Variants in FAM151A observed in about 807,000 individuals in gnomAD.
FAM151A encodes the protein family with sequence similarity 151 member A.
FAM151A carries 41 observed loss-of-function variants against 40.4 expected under a neutral mutation model. The ratio of observed to expected loss-of-function variants is 1.01; its 90% CI spans 0.79 to 1.32. The LOEUF is 1.32. FAM151A is among the 40% of genes most tolerant of loss of function. The pLI is 0.00. For synonymous variants in FAM151A, 337 were observed against 312.5 expected (o/e 1.08, Z -0.83); for missense variants, 740 against 740.4 (o/e 1.00, Z 0.01).
Position 54,609,353 on chromosome 1 carries a change from G to A in FAM151A, c.1673C>T (p.Ala558Val), listed in dbSNP as rs1238032153. 3.7e-6 allele frequency: 6 copies of A among 1,614,166 alleles called. No individual in the cohort carries two copies. The highest frequency in any genetic ancestry group is 5.1e-6 in the Non-Finnish European group (6 of 1,180,032). Residue 558 changes from alanine to valine, a missense_variant, in exon 8 of 8, where the codon GCT becomes GTT. Physicochemically the swap from Ala to Val is moderately conservative, Grantham distance 64. Transcript: ENST00000302250. ...YASVRTALLA[A>V]RAVDRTRVYY... Reference sequence around the variant, plus strand: ...GACTCGGGTCCTGTCCACAGCCCTAGCTGCCAGCAATGCTGTCCTCACAGA... The same window carrying A: ...GACTCGGGTCCTGTCCACAGCCCTAACTGCCAGCAATGCTGTCCTCACAGA...
At chr1:54,610,906 G>C in intron 6 of FAM151A, 2 of 985,386 alleles carry the variant, frequency 2.0e-6, no homozygotes, top group Non-Finnish European at 2.4e-6. Context: ...CGGGGTCAAG[G>C]GAATGAGGGG....
intron 2 of FAM151A, among the ~76,000 whole-genome samples, chr1:54,617,341 C>T (rs1644183243): frequency 6.6e-6 from 1 of 152,006 alleles, no homozygotes; most frequent in Non-Finnish European, 1.5e-5. Context: ...TTTTCTCCTG[C>T]TTTCTCCCTG....
At position 54,612,551 on chromosome 1, in the gene FAM151A, A is replaced by G; in HGVS notation, c.735T>C (p.Pro245=). 6.2e-7 allele frequency: 1 copy of G among 1,614,068 alleles called. No homozygotes were observed. The highest frequency in any genetic ancestry group is 8.5e-7 in the Non-Finnish European group (1 of 1,180,008). Reference sequence around the variant, plus strand: ...CAGCCCGCACCATGGAAGACCGTACAGGGAAGGTGACCCTCTGGGGCACTC... The same window carrying G: ...CAGCCCGCACCATGGAAGACCGTACGGGGAAGGTGACCCTCTGGGGCACTC... ...VGGVPQRVTF[P]VRSSMVRAAW... Residue 245 remains proline, a synonymous_variant, in exon 5 of 8, where the codon CCT becomes CCC. Transcript: ENST00000302250.
At chr1:54,614,956 ATGTG>A in intron 3 of FAM151A, 97 bp from the exon 4 acceptor site, 1 of 1,239,624 alleles carries the variant, frequency 8.1e-7, no homozygotes, top group Non-Finnish European at 1.1e-6. Context: ...GTGTGTGTGC[ATGTG>A]CGTGCACAGT....
chr1:54,623,483 G>T lies in FAM151A; in HGVS notation c.-88C>A. 2.2e-6 allele frequency: 2 copies of T among 919,780 alleles called. No individual in the cohort carries two copies. The highest frequency in any genetic ancestry group is 1.8e-6 in the Non-Finnish European group (1 of 568,268). The allele number at this position is 919,780 out of a possible 1,614,324, so 57.0% of individuals were successfully genotyped here. A position where few individuals can be genotyped will look rare whatever the true frequency, so the allele number is the denominator to read the frequency against. ...AGCTGGAATCCTGTGGGAGGCAGGAGCTCCCAGCAGCACCTAATTCTCCAC... is the reference window on the plus strand; with the variant it reads ...AGCTGGAATCCTGTGGGAGGCAGGATCTCCCAGCAGCACCTAATTCTCCAC... On this transcript the variant is annotated 5_prime_UTR_variant, in exon 1 of 8. Transcript: ENST00000302250.
At chr1:54,616,819 G>T (rs947270628) in intron 2 of FAM151A, among the ~76,000 whole-genome samples, 4 of 152,144 alleles carry the variant, frequency 2.6e-5, no homozygotes, top group African/African-American at 9.7e-5. Flanking sequence ...AAAAGCCCTG[G>T]TTGAGGGTGT....
In FAM151A at chr1:54,619,932, C is replaced by T. The variant is rs147294199; in HGVS notation, c.194G>A (p.Arg65Gln). The T allele has an allele frequency of 6.5e-4, 1,048 of 1,614,182 alleles. 5 individuals are homozygous for T. In the African/African-American group the frequency reaches 0.012, roughly 18 times the overall value. Residue 65 changes from arginine (R) to glutamine (Q), a missense_variant, in exon 2 of 8, where the codon CGA (arginine) becomes CAA (glutamine). Transcript: ENST00000302250. ...YLLSLGQISRRDALEVTWYHA... is the reference protein window; with the variant it reads ...YLLSLGQISRQDALEVTWYHA... Reference sequence around the variant, plus strand: ...GTACCAGGTGACCTCCAAGGCATCTCGCCGGCTGATCTGGCCCAGGCTCAG... The same window carrying T: ...GTACCAGGTGACCTCCAAGGCATCTTGCCGGCTGATCTGGCCCAGGCTCAG...
At chr1:54,614,316 G>A (rs1644148932) in intron 4 of FAM151A, among the ~76,000 whole-genome samples, 1 of 152,144 alleles carries the variant, frequency 6.6e-6, no homozygotes, top group Admixed American at 6.5e-5. Flanking sequence ...CTGGTCACTG[G>A]GGAATACAAG....
intron 1 of FAM151A, among the ~76,000 whole-genome samples, chr1:54,621,105 A>G (rs1234080331): frequency 6.6e-6 from 1 of 151,378 alleles, no homozygotes; most frequent in Non-Finnish European, 1.5e-5. Flanking sequence ...GGTTGCAGTG[A>G]GCCGGAGATC....
At chr1:54,610,232 T>C in intron 7 of FAM151A, 180 bp downstream of exon 7, 1 of 1,441,838 alleles carries the variant, frequency 6.9e-7, no homozygotes, top group Non-Finnish European at 9.1e-7. Flanking sequence ...CCAGGAGCCC[T>C]GTGCTCTTGA....
rs751917163 is a variant in FAM151A, at chr1:54,609,903, CCT to C, written c.1121_1122del (p.Glu374GlyfsTer5). On this transcript the variant is annotated frameshift_variant, in exon 8 of 8. Coordinates refer to ENST00000302250, the MANE Select transcript of FAM151A (RefSeq NM_176782.3). LOFTEE classifies it low-confidence loss of function (END_TRUNC). ...GGCACGGGGTTTTCAGCCACAGTTC[CCT>C]CGAGGCCAGTGTTCAGCAGGATCAT... The part of the protein sequence containing the change: ...EGMILLNTGL[E>X]GTVAENPVPI... The C allele has an allele frequency of 2.5e-6, 4 of 1,610,618 alleles. No homozygotes were observed. The highest frequency in any genetic ancestry group is 3.4e-6 in the Non-Finnish European group (4 of 1,179,884).
intron 7 of FAM151A, 71 bp downstream of exon 7, chr1:54,610,341 G>A (rs370504805): frequency 4.5e-5 from 71 of 1,570,428 alleles, no homozygotes; most frequent in Middle Eastern, 1.7e-4. Flanking sequence ...AGAGACCGGC[G>A]GTACCTGCCC....
At chr1:54,616,306 C>T in intron 2 of FAM151A, 134 bp from the exon 3 acceptor site, 1 of 753,724 alleles carries the variant, frequency 1.3e-6, no homozygotes, top group Non-Finnish European at 2.1e-6. Context: ...TTCACCCACA[C>T]TTCCATCATA....
intron 1 of FAM151A, among the ~76,000 whole-genome samples, chr1:54,621,033 C>T (rs534249374): frequency 4.7e-5 from 7 of 150,388 alleles, no homozygotes; most frequent in South Asian, 4.2e-4. Flanking sequence ...TAGTGGCATG[C>T]GCCTGTAATC....
intron 7 of FAM151A, 129 bp downstream of exon 7, chr1:54,610,283 C>G: frequency 1.3e-6 from 2 of 1,510,230 alleles, no homozygotes; most frequent in Non-Finnish European, 1.8e-6. Flanking sequence ...CCCTGCCCCA[C>G]CTTGCATCCA....
At chr1:54,622,853 A>G (rs1384456188) in intron 1 of FAM151A, among the ~76,000 whole-genome samples, 4 of 149,962 alleles carry the variant, frequency 2.7e-5, no homozygotes, top group African/African-American at 9.8e-5. Flanking sequence ...GGATGGGGGA[A>G]TGAGGCTTGG....
At chr1:54,610,158 G>T in intron 7 of FAM151A, 11 of 1,433,560 alleles carry the variant, frequency 7.7e-6, no homozygotes, top group Non-Finnish European at 1.0e-5. Context: ...CTTTACCCAT[G>T]ACTCAGCCTG....
At chr1:54,620,845 CAAAAAAAAAAAAAAAA>C (rs767625864) in intron 1 of FAM151A, among the ~76,000 whole-genome samples, 14 of 12,118 alleles carry the variant, frequency 1.2e-3, no homozygotes, top group South Asian at 8.6e-3. Context: ...GAGACTCTGT[CAAAAAAAAAAAAAAAA>C]AAAAAAAAAA....
At chr1:54,617,640 G>A (rs1463437497) in intron 2 of FAM151A, among the ~76,000 whole-genome samples, 1 of 144,188 alleles carries the variant, frequency 6.9e-6, no homozygotes, top group Admixed American at 7.1e-5. Context: ...CAACTTTAAT[G>A]TGCACATAGA....
Sources: gnomAD v4.1 joint callset for allele counts (sites outside exome capture counted in the v4.1 genomes callset) on GRCh38, gnomAD v4.1.1 for gene constraint, MANE v1.5 for transcripts, NCBI Gene and HGNC (gene_info 2026-07-23, HGNC 2026-07-21) for gene names.